VPS53: variants seen among roughly 807,000 people sequenced by gnomAD.
VPS53 encodes the protein vacuolar protein sorting-associated protein 53 homolog.
VPS53 carries 70 observed loss-of-function variants against 107.0 expected under a neutral mutation model. The observed-to-expected ratio is 0.65, with a 90% CI of 0.54 to 0.80. The LOEUF is 0.80. Among genes scored for constraint, VPS53 ranks in the 30% least tolerant of loss-of-function variants. The pLI is 0.00. For missense variants in VPS53, 917 were observed against 1,049.4 expected, an observed-to-expected ratio of 0.87 and a Z score of 1.74; for synonymous variants, 409 against 393.3, an observed-to-expected ratio of 1.04 and a Z score of -0.47.
chr17:642,725 A>G (rs878868584), intron 7 of VPS53, among the ~76,000 whole-genome samples: 1 of 149,906 alleles, frequency 6.7e-6, no homozygotes, highest in African/African-American at 2.4e-5. Context: ...CGAGGACAAC[A>G]CTCATACTTG....
At chr17:545,546 G>A (rs899970622) in intron 17 of VPS53, among the ~76,000 whole-genome samples, 15 of 152,176 alleles carry the variant, frequency 9.9e-5, no homozygotes, top group African/African-American at 3.6e-4. Flanking sequence ...GCTCCACCTG[G>A]CTACCTCTGC....
At chr17:656,731 T>TGTGTGTGTG (rs571847599) in intron 5 of VPS53, 520 of 705,002 alleles carry the variant, frequency 7.4e-4, no homozygotes, top group Admixed American at 1.2e-3. Flanking sequence ...TGTGTGTGTG[T>TGTGTGTGTG]TTTATCATGC....
intron 7 of VPS53, among the ~76,000 whole-genome samples, chr17:640,817 T>C (rs1409726728): frequency 3.3e-5 from 5 of 152,102 alleles, no homozygotes; most frequent in Admixed American, 2.0e-4. Context: ...AGCAGAAGGA[T>C]ACGCATATAA....
intron 5 of VPS53, among the ~76,000 whole-genome samples, chr17:658,122 C>T (rs1971275604): frequency 7.1e-6 from 1 of 141,752 alleles, no homozygotes; most frequent in Non-Finnish European, 1.5e-5. Flanking sequence ...ATAGATACAT[C>T]CCACTAAAGT....
chr17:672,174 AATCTCTCTCT>A (rs1971987006), intron 4 of VPS53, among the ~76,000 whole-genome samples: 2 of 40,238 alleles, frequency 5.0e-5, no homozygotes, highest in African/African-American at 1.7e-4. Flanking sequence ...ACACAATCTC[AATCTCTCTCT>A]CTCTCTCTCT....
chr17:586,963 G>T (rs1967353378), intron 12 of VPS53, among the ~76,000 whole-genome samples: 2 of 152,080 alleles, frequency 1.3e-5, no homozygotes, highest in African/African-American at 4.8e-5. Context: ...GTAAGAAAAT[G>T]TAAGAAAAAG....
chr17:599,464 G>A (rs1201174929), intron 12 of VPS53, among the ~76,000 whole-genome samples: 1 of 151,322 alleles, frequency 6.6e-6, no homozygotes, highest in Non-Finnish European at 1.5e-5. Context: ...CCAACCCTGT[G>A]CTCTCTGAAA....
chr17:606,567 G>A (rs1413039254), intron 11 of VPS53, among the ~76,000 whole-genome samples: 1 of 152,092 alleles, frequency 6.6e-6, no homozygotes, highest in African/African-American at 2.4e-5. Flanking sequence ...ACGGGCCACG[G>A]TACAAGGCGG....
chr17:693,944 T>C (rs1344369351), intron 4 of VPS53, among the ~76,000 whole-genome samples: 1 of 152,136 alleles, frequency 6.6e-6, no homozygotes, highest in Non-Finnish European at 1.5e-5. Flanking sequence ...AACTCAGTAT[T>C]TTGGAACATC....
chr17:614,380 C>A (rs925315178), intron 11 of VPS53, among the ~76,000 whole-genome samples: 1 of 152,144 alleles, frequency 6.6e-6, no homozygotes, highest in Non-Finnish European at 1.5e-5. Flanking sequence ...AAATCCTCAT[C>A]TCTGATTTGG....
chr17:598,565 T>C (rs1428185924), intron 12 of VPS53, among the ~76,000 whole-genome samples: 1 of 150,324 alleles, frequency 6.7e-6, no homozygotes, highest in Non-Finnish European at 1.5e-5. Flanking sequence ...GGAGCGTCTC[T>C]GCCCGGCTGC....
chr17:551,633 C>CTT (rs34842319), intron 17 of VPS53: 397 of 268,378 alleles, frequency 1.5e-3, no homozygotes, highest in East Asian at 2.3e-3. Flanking sequence ...TACTTCGTCT[C>CTT]TTTTTTTTTT....
At chr17:669,451 T>C (rs527256615) in intron 4 of VPS53, among the ~76,000 whole-genome samples, 2 of 152,050 alleles carry the variant, frequency 1.3e-5, no homozygotes, top group Admixed American at 6.5e-5. Flanking sequence ...AAATTAGCTG[T>C]GTGTGCTAGT....
chr17:608,852 A>T (rs912195215), intron 11 of VPS53, among the ~76,000 whole-genome samples: 1 of 151,342 alleles, frequency 6.6e-6, no homozygotes, highest in African/African-American at 2.4e-5. Flanking sequence ...GCTGTAAGAG[A>T]CCTGCCCACC....
chr17:641,047 G>A (rs1006812323), intron 7 of VPS53, among the ~76,000 whole-genome samples: 1 of 152,046 alleles, frequency 6.6e-6, no homozygotes, highest in African/African-American at 2.4e-5. Context: ...GTAGAGACAG[G>A]GTTTCACCAT....
At chr17:633,311 G>A (rs1169993389) in intron 7 of VPS53, among the ~76,000 whole-genome samples, 2 of 152,194 alleles carry the variant, frequency 1.3e-5, no homozygotes, top group African/African-American at 2.4e-5. Flanking sequence ...GAGAGAGAGT[G>A]GAACAAGATT....
chr17:597,255 C>T (rs553971676), intron 12 of VPS53, among the ~76,000 whole-genome samples: 1 of 152,302 alleles, frequency 6.6e-6, no homozygotes, highest in East Asian at 1.9e-4. Flanking sequence ...GTTAGGTCAC[C>T]CACAGAGCCG....
In VPS53 at chr17:518,979, C is replaced by T; in HGVS notation, c.*149G>A. ...GATTAGGGCAGGAAGTAAGACAGGG[C>T]ATGGGAGAGACTCAGTAACAACCCA... is the stretch of plus-strand genomic sequence containing the variant. On this transcript the variant is annotated 3_prime_UTR_variant, in exon 22 of 22. Coordinates refer to ENST00000437048, the MANE Select transcript of VPS53 (RefSeq NM_001128159.3). 3 of 850,622 alleles carry T rather than the reference C, an allele frequency of 3.5e-6. No homozygotes were observed. The highest frequency in any genetic ancestry group is 5.2e-6 in the Non-Finnish European group (3 of 574,846). The allele number at this position is 850,622 out of a possible 1,614,324, so 52.7% of individuals were successfully genotyped here. A position where few individuals can be genotyped will look rare whatever the true frequency, so the allele number is the denominator to read the frequency against.
chr17:573,155 G>A (rs143795337), intron 13 of VPS53, among the ~76,000 whole-genome samples: 2 of 152,378 alleles, frequency 1.3e-5, no homozygotes, highest in Non-Finnish European at 2.9e-5. Context: ...AGAATGGGCA[G>A]ATATGGAGTC....
Sources: allele counts gnomAD v4.1 joint callset (sites outside exome capture counted in the v4.1 genomes callset), GRCh38; gene constraint gnomAD v4.1.1; transcripts MANE v1.5; gene names NCBI Gene and HGNC (gene_info 2026-07-23, HGNC 2026-07-21).